The following TPRG1 variants were observed in gnomAD, a reference collection of about 807,000 sequenced individuals.
The protein encoded by TPRG1 is tumor protein p63 regulated 1.
A neutral mutation model predicts 29.3 loss-of-function variants in TPRG1; 29 were observed. The observed-to-expected ratio is 0.99, with a 90% CI of 0.74 to 1.35. The LOEUF (loss-of-function observed/expected upper bound fraction) is 1.35, where lower values mean the gene tolerates loss of function less well. Among genes scored for constraint, TPRG1 ranks in the 40% most tolerant of loss-of-function variants. TPRG1 has a pLI of 0.00. For missense variants in TPRG1, 327 were observed against 335.0 expected (o/e 0.98, Z 0.19); for synonymous variants, 130 against 116.8 (o/e 1.11, Z -0.73).
chr3:189,165,439 T>A (rs1442735875), intron 5 of TPRG1, among the ~76,000 whole-genome samples: 1 of 149,654 alleles, frequency 6.7e-6, no homozygotes, highest in African/African-American at 2.4e-5. Context: ...CAAACTTTTA[T>A]GTGCATAACA....
chr3:189,007,073 G>T (rs1712330127), intron 3 of TPRG1, among the ~76,000 whole-genome samples: 1 of 151,934 alleles, frequency 6.6e-6, no homozygotes, highest in Non-Finnish European at 1.5e-5. Context: ...AAGAGCTTCT[G>T]CACAGCAAAA....
intron 3 of TPRG1, among the ~76,000 whole-genome samples, chr3:189,224,902 G>C (rs992766422): frequency 1.3e-5 from 2 of 151,564 alleles, no homozygotes; most frequent in Admixed American, 1.3e-4. Flanking sequence ...CCCTTCATGA[G>C]AGCCACCTAT....
rs563466651 is a variant in TPRG1, at chr3:189,032,929, A to G, written c.-463+8983A>G. 2.3e-3 allele frequency among the ~76,000 whole-genome samples: 350 copies of G among 151,988 alleles called. 3 individuals carry two copies. Among genetic ancestry groups the G allele is most frequent in the African/African-American group, 8.2e-3 (341 of 41,482 alleles). On this transcript the variant is annotated intron_variant, in intron 4 of 10. Transcript: ENST00000433971. ...ATGTCCCTACAAAGGACATGAACTC[A>G]TCATTTTTTATGGCTGCATACTATT...
rs897317501 is a variant in TPRG1 at position 189,272,720 on chromosome 3, C to T, written c.479+33811C>T. ...CTCTTTCTTTCTTTCTTTCTCCTTCCTTCCTTCCTTCCTTCCTTCCTTCCT... is the reference window on the plus strand; with the variant it reads ...CTCTTTCTTTCTTTCTTTCTCCTTCTTTCCTTCCTTCCTTCCTTCCTTCCT... On this transcript the variant is annotated intron_variant, in intron 4 of 5. Coordinates refer to ENST00000345063, the MANE Select transcript of TPRG1 (RefSeq NM_198485.4). 6.4e-3 allele frequency among the ~76,000 whole-genome samples: 623 copies of T among 97,000 alleles called. 9 individuals carry two copies. The highest frequency in any genetic ancestry group is 0.027 in the African/African-American group (529 of 19,478). 63.6% of individuals were successfully genotyped at this position (97,000 alleles called of 152,430 possible). A position where few individuals can be genotyped will look rare whatever the true frequency, so the allele number is the denominator to read the frequency against.
At chr3:189,257,116 T>A (rs1232812765) in intron 4 of TPRG1, among the ~76,000 whole-genome samples, 1 of 152,220 alleles carries the variant, frequency 6.6e-6, no homozygotes, top group Non-Finnish European at 1.5e-5. Flanking sequence ...TCTTTACATT[T>A]TGGTTTGGTT....
chr3:189,052,884 G>A (rs1560416100), intron 4 of TPRG1, among the ~76,000 whole-genome samples: 1 of 152,202 alleles, frequency 6.6e-6, no homozygotes, highest in Non-Finnish European at 1.5e-5. Context: ...GCTAAGCTAT[G>A]AGGACGCAAA....
intron 1 of TPRG1, among the ~76,000 whole-genome samples, chr3:189,125,038 C>T (rs1038695385): frequency 5.3e-5 from 8 of 152,196 alleles, no homozygotes; most frequent in South Asian, 2.1e-4. Flanking sequence ...GGTCTCTCTT[C>T]GCTCTGAATG....
intron 4 of TPRG1, among the ~76,000 whole-genome samples, chr3:189,034,756 A>C: frequency 6.6e-6 from 1 of 152,184 alleles, no homozygotes; most frequent in East Asian, 1.9e-4. Flanking sequence ...TCTTTACACC[A>C]ATTACACAAC....
intron 5 of TPRG1, among the ~76,000 whole-genome samples, chr3:189,316,252 G>A (rs1243447733): frequency 6.6e-6 from 1 of 152,168 alleles, no homozygotes; most frequent in Admixed American, 6.6e-5. Flanking sequence ...CTATGCACTT[G>A]AATTTATAGT....
chr3:189,185,359 G>C (rs1730777094), intron 1 of TPRG1, among the ~76,000 whole-genome samples: 1 of 151,954 alleles, frequency 6.6e-6, no homozygotes. Flanking sequence ...AAGTAGCTGG[G>C]ACCATGGGAA....
chr3:189,115,667 A>G (rs1721079750), intron 1 of TPRG1, among the ~76,000 whole-genome samples: 1 of 152,246 alleles, frequency 6.6e-6, no homozygotes, highest in Non-Finnish European at 1.5e-5. Context: ...CAATGTTACA[A>G]TGAATGAGAC....
chr3:189,263,567 TAG>T (rs551932045), intron 4 of TPRG1, among the ~76,000 whole-genome samples: 56 of 152,334 alleles, frequency 3.7e-4, no homozygotes, highest in African/African-American at 1.3e-3. Flanking sequence ...CAGTTAAAAC[TAG>T]TTTGAAAGCA....
intron 4 of TPRG1, among the ~76,000 whole-genome samples, chr3:189,259,251 G>A (rs907410553): frequency 2.0e-5 from 3 of 151,892 alleles, no homozygotes; most frequent in African/African-American, 7.3e-5. Flanking sequence ...GCTAGGGGAG[G>A]GAGTTCCCTG....
At chr3:189,221,553 C>A (rs1467186377) in intron 3 of TPRG1, among the ~76,000 whole-genome samples, 1 of 152,116 alleles carries the variant, frequency 6.6e-6, no homozygotes, top group East Asian at 1.9e-4. Flanking sequence ...GGATTTGGTG[C>A]CGTAAGTGGA....
At chr3:189,045,676 AATATT>A (rs1714931573) in intron 4 of TPRG1, among the ~76,000 whole-genome samples, 1 of 152,214 alleles carries the variant, frequency 6.6e-6, no homozygotes, top group African/African-American at 2.4e-5. Flanking sequence ...CATTGTTACT[AATATT>A]ATATATTTTT....
intron 2 of TPRG1, among the ~76,000 whole-genome samples, chr3:189,003,534 T>C (rs1227795436): frequency 1.3e-5 from 2 of 152,158 alleles, no homozygotes; most frequent in Non-Finnish European, 2.9e-5. Context: ...TCTTCAAAAT[T>C]CTTGGAGACC....
chr3:189,109,168 A>G (rs1720189248), intron 1 of TPRG1, among the ~76,000 whole-genome samples: 3 of 151,910 alleles, frequency 2.0e-5, no homozygotes, highest in Admixed American at 2.0e-4. Context: ...AGGGAAGGAG[A>G]AGAGGAGGAA....
rs1426676924 is a variant in TPRG1 at position 189,226,329 on chromosome 3, T to C, written c.302+10946T>C. 3.3e-5 allele frequency among the ~76,000 whole-genome samples: 5 copies of C among 152,250 alleles called. No individual in the cohort carries two copies. In the East Asian group the frequency reaches 7.7e-4, roughly 23 times the overall value. ...AGAATTAAAATCATACAGAGTATGT[T>C]CTCTGACTACAATGAGTCAAACTAG... On this transcript the variant is annotated intron_variant, in intron 3 of 5. Coordinates refer to ENST00000345063, the MANE Select transcript of TPRG1 (RefSeq NM_198485.4).
chr3:189,188,418 G>A (rs1731237483), intron 1 of TPRG1, among the ~76,000 whole-genome samples: 1 of 152,120 alleles, frequency 6.6e-6, no homozygotes, highest in Non-Finnish European at 1.5e-5. Context: ...GGCTTGTGTT[G>A]GGGCCCAAGT....
Sources: gnomAD v4.1 joint callset for allele counts (sites outside exome capture counted in the v4.1 genomes callset) on GRCh38, gnomAD v4.1.1 for gene constraint, MANE v1.5 for transcripts, NCBI Gene and HGNC (gene_info 2026-07-23, HGNC 2026-07-21) for gene names.